MMP16: variants seen among roughly 807,000 people sequenced by gnomAD.
MMP16 encodes the protein matrix metalloproteinase-16.
Under a neutral mutation model 67.8 loss-of-function variants are expected in MMP16, and 12 were observed. That is an observed-to-expected ratio of 0.18 (90% CI 0.11 to 0.29). The LOEUF (loss-of-function observed/expected upper bound fraction) is 0.29, where lower values mean the gene tolerates loss of function less well. Ranked by LOEUF, MMP16 falls within the 10% of genes least tolerant of loss-of-function variation. MMP16 has a pLI of 1.00. For missense variants in MMP16, 475 were observed against 765.7 expected (o/e 0.62, Z 4.48); for synonymous variants, 249 against 255.9 (o/e 0.97, Z 0.26).
At chr8:88,236,548 G>C (rs573772234) in intron 1 of MMP16, among the ~76,000 whole-genome samples, 1 of 152,160 alleles carries the variant, frequency 6.6e-6, no homozygotes, top group South Asian at 2.1e-4. Context: ...TTGAGTCCAG[G>C]AGTGTGAGAT....
chr8:88,276,710 T>C (rs1810654253), intron 1 of MMP16, among the ~76,000 whole-genome samples: 1 of 152,150 alleles, frequency 6.6e-6, no homozygotes, highest in African/African-American at 2.4e-5. Flanking sequence ...CCAATAGTGC[T>C]TGGGGGTTGA....
rs1388788810 is a variant in MMP16 at position 88,212,405 on chromosome 8, G to C, written c.133-15099C>G. On this transcript the variant is annotated intron_variant, in intron 1 of 9. Transcript: ENST00000286614. Reference sequence around the variant, plus strand: ...TGGCCCTACAAGAATTCCTAGCACAGGGAATAGCACAAAACAGCTCAAAAC... The same window carrying C: ...TGGCCCTACAAGAATTCCTAGCACACGGAATAGCACAAAACAGCTCAAAAC... Among the ~76,000 whole-genome samples, 3 of 152,114 alleles carry C rather than the reference G, an allele frequency of 2.0e-5. No homozygotes were observed. In the South Asian group the frequency reaches 6.2e-4, roughly 31 times the overall value.
At chr8:88,192,919 C>A (rs994369614) in intron 2 of MMP16, among the ~76,000 whole-genome samples, 1 of 151,932 alleles carries the variant, frequency 6.6e-6, no homozygotes, top group Non-Finnish European at 1.5e-5. Flanking sequence ...AGCTGGGGGG[C>A]ATCTGAAGAA....
At chr8:88,253,303 A>T (rs1484221579) in intron 1 of MMP16, among the ~76,000 whole-genome samples, 1 of 152,164 alleles carries the variant, frequency 6.6e-6, no homozygotes, top group African/African-American at 2.4e-5. Context: ...CTATTCCTTA[A>T]GTGTGTACTG....
chr8:88,077,669 CAAAAT>C (rs1329133739), intron 6 of MMP16, among the ~76,000 whole-genome samples: 4 of 152,020 alleles, frequency 2.6e-5, no homozygotes, highest in African/African-American at 9.7e-5. Context: ...TTAAAGAAAA[CAAAAT>C]GTGAAGAGAA....
At chr8:88,289,519 C>T (rs986334595) in intron 1 of MMP16, among the ~76,000 whole-genome samples, 5 of 152,126 alleles carry the variant, frequency 3.3e-5, no homozygotes, top group Non-Finnish European at 7.4e-5. Flanking sequence ...ATTTGTACAT[C>T]TACACATACA....
At chr8:88,323,334 T>C (rs962010864) in intron 1 of MMP16, among the ~76,000 whole-genome samples, 5 of 152,228 alleles carry the variant, frequency 3.3e-5, no homozygotes, top group African/African-American at 9.6e-5. Context: ...TCTGACTTTT[T>C]AGGTACATGC....
intron 1 of MMP16, among the ~76,000 whole-genome samples, chr8:88,263,889 C>T (rs1327405663): frequency 2.6e-5 from 4 of 151,832 alleles, no homozygotes; most frequent in African/African-American, 9.7e-5. Context: ...CTTAAAAATC[C>T]TCCACAAAAT....
chr8:88,327,148 A>G lies in MMP16; in HGVS notation c.59T>C (p.Val20Ala). Residue 20 changes from valine to alanine, a missense_variant, in exon 1 of 10, where the codon GTG (valine) becomes GCG (alanine). Transcript: ENST00000286614. ...CCAAAGCAAGGTTTGCAAGAAAAAC[A>G]CCCCCGAATGATGCACGAAATCCAA... ...RRLDFVHHSG[V>A]FFLQTLLWIL... 6.2e-7 allele frequency: 1 copy of G among 1,613,986 alleles called. No homozygotes were observed. The highest frequency in any genetic ancestry group is 8.5e-7 in the Non-Finnish European group (1 of 1,179,986).
chr8:88,056,498 T>C (rs1808334596), intron 7 of MMP16, among the ~76,000 whole-genome samples: 1 of 151,672 alleles, frequency 6.6e-6, no homozygotes, highest in Admixed American at 6.6e-5. Flanking sequence ...ATGAATACTT[T>C]ATTAATATAA....
At chr8:88,098,757 AAT>A (rs1030690627) in intron 6 of MMP16, among the ~76,000 whole-genome samples, 8 of 151,952 alleles carry the variant, frequency 5.3e-5, no homozygotes, top group Non-Finnish European at 1.2e-4. Context: ...TATCAAAGAA[AAT>A]ACAAGTATAA....
intron 4 of MMP16, among the ~76,000 whole-genome samples, chr8:88,135,322 A>C (rs1383286178): frequency 6.6e-6 from 1 of 151,890 alleles, no homozygotes. Flanking sequence ...AGCATCTAAA[A>C]TGCTGCAAGC....
At chr8:88,105,652 C>G (rs1809224935) in intron 6 of MMP16, among the ~76,000 whole-genome samples, 1 of 151,388 alleles carries the variant, frequency 6.6e-6, no homozygotes, top group African/African-American at 2.4e-5. Flanking sequence ...AAAGTGAATA[C>G]TTAAGAAAAC....
At chr8:88,083,859 A>T (rs140216910) in intron 6 of MMP16, among the ~76,000 whole-genome samples, 30 of 152,182 alleles carry the variant, frequency 2.0e-4, no homozygotes, top group Non-Finnish European at 2.2e-4. Flanking sequence ...GAGAAAGAAG[A>T]TATTTACCTA....
chr8:88,143,125 T>TTTTA (rs1563544359), intron 4 of MMP16, among the ~76,000 whole-genome samples: 1 of 152,116 alleles, frequency 6.6e-6, no homozygotes, highest in Non-Finnish European at 1.5e-5. Flanking sequence ...TTGTCTTGAA[T>TTTTA]TTAAAATATC....
rs1020730268 is a variant in MMP16, at chr8:88,033,828, CTCTT to C, written c.*7629_*7632del. On this transcript the variant is annotated 3_prime_UTR_variant, in exon 10 of 10. Coordinates refer to ENST00000286614, the MANE Select transcript of MMP16 (RefSeq NM_005941.5). ...CACCCCTAATTCTTTGATTCTATCT[CTCTT>C]TCTAATATATATGTAATTTACACTT... 5 of 151,984 alleles carry C rather than the reference CTCTT, an allele frequency of 3.3e-5. No individual in the cohort carries two copies. Among genetic ancestry groups the C allele is most frequent in the Non-Finnish European group, 5.9e-5 (4 of 67,948 alleles). The allele number at this position is 151,984 out of a possible 1,614,324, so 9.4% of individuals were successfully genotyped here.
intron 1 of MMP16, among the ~76,000 whole-genome samples, chr8:88,246,428 C>A (rs1034831523): frequency 6.6e-6 from 1 of 152,116 alleles, no homozygotes; most frequent in Admixed American, 6.5e-5. Flanking sequence ...AATGATAAGC[C>A]ATGTGGCCAA....
chr8:88,231,631 A>C (rs761414146), intron 1 of MMP16, among the ~76,000 whole-genome samples: 3 of 152,190 alleles, frequency 2.0e-5, no homozygotes, highest in Admixed American at 6.5e-5. Context: ...GAGGCCACCT[A>C]GGTGACCAGC....
At chr8:88,196,689 C>A (rs548559381) in intron 2 of MMP16, among the ~76,000 whole-genome samples, 4 of 152,132 alleles carry the variant, frequency 2.6e-5, no homozygotes, top group Admixed American at 2.0e-4. Context: ...GGCTCTCTGA[C>A]GCTGCCCCTC....
Sources: gnomAD v4.1 joint callset for allele counts (sites outside exome capture counted in the v4.1 genomes callset) on GRCh38, gnomAD v4.1.1 for gene constraint, MANE v1.5 for transcripts, NCBI Gene and HGNC (gene_info 2026-07-23, HGNC 2026-07-21) for gene names.